The following PTPRH variants were observed in gnomAD, a reference collection of about 807,000 sequenced individuals.
PTPRH encodes the protein protein tyrosine phosphatase receptor type H.
PTPRH carries 113 observed loss-of-function variants against 130.2 expected under a neutral mutation model. That is an observed-to-expected ratio of 0.87 (90% confidence interval 0.75 to 1.01). The LOEUF is 1.01. PTPRH is among the 50% of genes least tolerant of loss of function. PTPRH has a pLI of 0.00. For missense variants in PTPRH, 1,430 were observed against 1,425.0 expected (o/e 1.00, Z -0.06); for synonymous variants, 556 against 577.9 (o/e 0.96, Z 0.54).
At position 55,186,457 on chromosome 19, in the gene PTPRH, A is replaced by T. The variant is rs748858726; in HGVS notation, c.2643+7T>A. On this transcript the variant is annotated splice_region_variant and intron_variant, in intron 15 of 19. Coordinates refer to ENST00000376350, the MANE Select transcript of PTPRH (RefSeq NM_002842.5). The stretch of plus-strand genomic sequence containing the variant: ...GGGCACCCTTTCAATCCCAACCACG[A>T]CCTTACGGGCATGAAGCTGGCATTG... 6.8e-6 allele frequency: 11 copies of T among 1,611,644 alleles called. No homozygotes were observed. The highest frequency in any genetic ancestry group is 9.3e-6 in the Non-Finnish European group (11 of 1,179,456).
intron 12 of PTPRH, among the ~76,000 whole-genome samples, chr19:55,189,141 A>G (rs1248741711): frequency 1.3e-5 from 2 of 152,078 alleles, no homozygotes; most frequent in Non-Finnish European, 2.9e-5. Flanking sequence ...GCCAGCCACC[A>G]TGCCCGGCTA....
At chr19:55,188,028 T>A in intron 13 of PTPRH, 50 bp downstream of exon 13, 1 of 1,275,066 alleles carries the variant, frequency 7.8e-7, no homozygotes, top group Non-Finnish European at 1.1e-6. Flanking sequence ...GGGGTGGGGG[T>A]CTGGGCCACC....
chr19:55,182,138 G>A lies in PTPRH; in HGVS notation c.3076C>T (p.Arg1026Cys), dbSNP rs760504614. 19 of 1,613,750 alleles carry A rather than the reference G, an allele frequency of 1.2e-5. No individual in the cohort carries two copies. Among genetic ancestry groups the A allele is most frequent in the East Asian group, 2.2e-5 (1 of 44,894 alleles). Reference protein sequence around the residue: ...PIVHCSAGVGRTGTLIALDVL... With the variant: ...PIVHCSAGVGCTGTLIALDVL... ...TCCAGGGCAATGAGGGTTCCTGTGC[G>A]ACCCACGCCAGCACTAGGCAGAACA... Residue 1026 changes from arginine (R) to cysteine (C), a missense_variant, in exon 19 of 20, where the codon CGC becomes TGC. Transcript: ENST00000376350.
chr19:55,185,744 G>A (rs1327586948), intron 17 of PTPRH, 82 bp from the exon 18 acceptor site: 12 of 1,595,772 alleles, frequency 7.5e-6, no homozygotes, highest in Non-Finnish European at 8.6e-6. Context: ...GGTTCCCTGG[G>A]GCACACTGCA....
chr19:55,187,154 G>A (rs1047875879), intron 14 of PTPRH, among the ~76,000 whole-genome samples: 11 of 150,760 alleles, frequency 7.3e-5, no homozygotes, highest in East Asian at 2.0e-4. Flanking sequence ...GACCATCCTG[G>A]CTAACACGGT....
intron 6 of PTPRH, among the ~76,000 whole-genome samples, chr19:55,201,551 C>A (rs1489814192): frequency 3.9e-5 from 6 of 152,236 alleles, no homozygotes. Context: ...CAGTTTCATG[C>A]AACTTTAATG....
intron 10 of PTPRH, among the ~76,000 whole-genome samples, chr19:55,196,114 G>A (rs1030865684): frequency 9.2e-5 from 14 of 152,232 alleles, no homozygotes; most frequent in South Asian, 2.1e-4. Context: ...TGTGGATGGC[G>A]CGGTGGCCCA....
Position 55,182,104 on chromosome 19 carries a change from A to C in PTPRH, c.3110T>G (p.Leu1037Arg). The change falls in exon 19 of 20, where the codon CTC (leucine) becomes CGC (arginine). Residue 1037 changes from leucine to arginine, a missense_variant. Transcript: ENST00000376350. ...GAGACCCTCGGACTGCAGCTGCCGG[A>C]GCAGGACGTCCAGGGCAATGAGGGT... is the stretch of plus-strand genomic sequence containing the variant. Reference protein sequence around the residue: ...TGTLIALDVLLRQLQSEGLLG... With the variant: ...TGTLIALDVLRRQLQSEGLLG... 6.2e-7 allele frequency: 1 copy of C among 1,614,140 alleles called. No individual in the cohort carries two copies. The highest frequency in any genetic ancestry group is 8.5e-7 in the Non-Finnish European group (1 of 1,180,028).
chr19:55,182,670 G>A (rs11881248), intron 18 of PTPRH, among the ~76,000 whole-genome samples: 8,147 of 152,216 alleles, frequency 0.054, 710 homozygotes, highest in African/African-American at 0.19. Flanking sequence ...TGGGGAAATG[G>A]AGGCTGAGTG....
rs749524086 is a variant in PTPRH, at chr19:55,198,902, T to C, written c.1431A>G (p.Ala477=). The part of the protein sequence containing the change: ...QNVSISTVPN[A]VTSLSKQDWT... Reference sequence around the variant, plus strand: ...AGTCCTGCTTGCTGAGGCTTGTCACTGCGTTGGGGACTGGGAGAGGGAGCA... The same window carrying C: ...AGTCCTGCTTGCTGAGGCTTGTCACCGCGTTGGGGACTGGGAGAGGGAGCA... Residue 477 remains alanine (A), a synonymous_variant, in exon 8 of 20, where the codon GCA becomes GCG. Transcript: ENST00000376350. 4.0e-6 allele frequency: 6 copies of C among 1,516,890 alleles called. No homozygotes were observed. Among genetic ancestry groups the C allele is most frequent in the South Asian group, 1.3e-5 (1 of 74,686 alleles). 94.0% of individuals were successfully genotyped at this position (1,516,890 alleles called of 1,614,324 possible).
chr19:55,185,653 G>T lies in PTPRH; in HGVS notation c.2911C>A (p.Gln971Lys). Reference sequence around the variant, plus strand: ...AATTGGCGCACAGACAGTGTCTTCTGCTCCTCCACCTGGAAGGAGGGAGCA... The same window carrying T: ...AATTGGCGCACAGACAGTGTCTTCTTCTCCTCCACCTGGAAGGAGGGAGCA... ...RELLLLQVEE[Q>K]KTLSVRQFHY... The change falls in exon 18 of 20, where the codon CAG becomes AAG. Residue 971 changes from glutamine to lysine, a missense_variant. Physicochemically the swap from Gln to Lys is moderately conservative, Grantham distance 53. Transcript: ENST00000376350. 1 of 1,614,030 alleles carries T rather than the reference G, an allele frequency of 6.2e-7. No homozygotes were observed. Among genetic ancestry groups the T allele is most frequent in the South Asian group, 1.1e-5 (1 of 91,070 alleles).
At chr19:55,206,593 C>G (rs535923907) in intron 3 of PTPRH, 96 bp downstream of exon 3, 2 of 1,284,976 alleles carry the variant, frequency 1.6e-6, no homozygotes, top group Admixed American at 4.8e-5. Context: ...GTGTTTCTAT[C>G]CAACTAAAGA....
intron 10 of PTPRH, 91 bp downstream of exon 10, chr19:55,196,430 CA>C: frequency 1.4e-6 from 2 of 1,404,704 alleles, no homozygotes; most frequent in Non-Finnish European, 1.9e-6. Flanking sequence ...AAATGAGAAA[CA>C]AAAGAGTCCC....
chr19:55,184,542 A>C (rs1461201535), intron 18 of PTPRH, among the ~76,000 whole-genome samples: 1 of 151,908 alleles, frequency 6.6e-6, no homozygotes, highest in Non-Finnish European at 1.5e-5. Context: ...TCATCTCAGC[A>C]CTTTGGGAGG....
At chr19:55,191,309 T>C (rs1158258337) in intron 12 of PTPRH, among the ~76,000 whole-genome samples, 192 bp downstream of exon 12, 1 of 152,130 alleles carries the variant, frequency 6.6e-6, no homozygotes, top group Admixed American at 6.5e-5. Flanking sequence ...CAGAACTGAA[T>C]TCGCTGGCCC....
intron 4 of PTPRH, among the ~76,000 whole-genome samples, chr19:55,204,434 T>C (rs2122293414): frequency 6.6e-6 from 1 of 152,298 alleles, no homozygotes; most frequent in South Asian, 2.1e-4. Context: ...TCAGAGTTCC[T>C]AGTTGTCCCT....
In PTPRH at chr19:55,182,058, T is replaced by C. The variant is rs1347961022; in HGVS notation, c.3156A>G (p.Val1052=). The change falls in exon 19 of 20, where the codon GTA becomes GTG. Residue 1052 remains valine (V), a synonymous_variant. Transcript: ENST00000376350. ...ACGGCCGACTCTCTCTCATCTTCCT[T>C]ACAAAGCTGAAGGGCCCAAGGAGAC... The part of the protein sequence containing the change: ...SEGLLGPFSF[V]RKMRESRPLM... The C allele has an allele frequency of 1.2e-6, 2 of 1,614,030 alleles. No homozygotes were observed. The highest frequency in any genetic ancestry group is 3.3e-5 in the Admixed American group (2 of 60,002).
Position 55,206,870 on chromosome 19 carries a change from G to A in PTPRH, c.171C>T (p.Asp57=), listed in dbSNP as rs1448225165. The stretch of plus-strand genomic sequence containing the variant: ...GAACCCAGTAGTTGGAGTTCTGTGA[G>A]TCTAGGCCATCGGGGACCTCCCAGC... ...SLSWEVPDGL[D]SQNSNYWVQC... The change falls in exon 3 of 20, where the codon GAC becomes GAT. Residue 57 remains aspartate (D), a synonymous_variant. Transcript: ENST00000376350. 1 of 1,613,950 alleles carries A rather than the reference G, an allele frequency of 6.2e-7. No individual in the cohort carries two copies. Among genetic ancestry groups the A allele is most frequent in the Non-Finnish European group, 8.5e-7 (1 of 1,179,934 alleles).
At position 55,200,632 on chromosome 19, in the gene PTPRH, T is replaced by C. The variant is rs1221177322; in HGVS notation, c.1154-130A>G. 4.8e-6 allele frequency: 5 copies of C among 1,040,288 alleles called. No individual in the cohort carries two copies. The African/African-American group carries it at 6.4e-5, about 13-fold the overall frequency. 64.4% of individuals were successfully genotyped at this position (1,040,288 alleles called of 1,614,324 possible). On this transcript the variant is annotated intron_variant, in intron 6 of 19. Coordinates refer to ENST00000376350, the MANE Select transcript of PTPRH (RefSeq NM_002842.5). ...CTGGTGCCAGCAGATGCAGGGTGTA[T>C]GTTCTAGACCGTGTTTCTCAGACTA... is the stretch of plus-strand genomic sequence containing the variant.
Sources: gnomAD v4.1 joint callset for allele counts (sites outside exome capture counted in the v4.1 genomes callset) on GRCh38, gnomAD v4.1.1 for gene constraint, MANE v1.5 for transcripts, NCBI Gene and HGNC (gene_info 2026-07-23, HGNC 2026-07-21) for gene names.